Variants in MPPED1 observed in about 807,000 individuals in gnomAD.
MPPED1 encodes the protein metallophosphoesterase domain containing 1, also known as metallophosphoesterase domain-containing protein 1.
MPPED1 carries 16 observed loss-of-function variants against 36.2 expected under a neutral mutation model. The observed-to-expected ratio is 0.44, with a 90% CI of 0.30 to 0.67. MPPED1 has a LOEUF of 0.67. Among genes scored for constraint, MPPED1 ranks in the 30% least tolerant of loss-of-function variants. The pLI, the probability that MPPED1 is intolerant of heterozygous loss-of-function variation, is 0.10. For missense variants in MPPED1, 307 were observed against 453.4 expected (o/e 0.68, Z 2.93); for synonymous variants, 199 against 191.3 (o/e 1.04, Z -0.33).
intron 3 of MPPED1, among the ~76,000 whole-genome samples, chr22:43,471,051 C>T (rs73428345): frequency 0.076 from 11,584 of 152,292 alleles, 615 homozygotes; most frequent in African/African-American, 0.15. Context: ...GAAAAAGCCT[C>T]AGTCATCAGC....
At chr22:43,444,091 C>T (rs983899519) in intron 3 of MPPED1, among the ~76,000 whole-genome samples, 1 of 151,936 alleles carries the variant, frequency 6.6e-6, no homozygotes, top group Non-Finnish European at 1.5e-5. Flanking sequence ...GTTGTAGGGG[C>T]TAAAAGGAAG....
chr22:43,458,626 T>C (rs1261348676), intron 3 of MPPED1, among the ~76,000 whole-genome samples: 1 of 152,168 alleles, frequency 6.6e-6, no homozygotes, highest in Non-Finnish European at 1.5e-5. Flanking sequence ...CCTTTACCAG[T>C]GCTCTCTATT....
At chr22:43,499,773 ATGGTGGAGGTGG>A (rs1602025335) in intron 5 of MPPED1, among the ~76,000 whole-genome samples, 1 of 5,506 alleles carries the variant, frequency 1.8e-4, no homozygotes. Context: ...GGCGGTGGTG[ATGGTGGAGGTGG>A]TGGTGGTGGT....
intron 3 of MPPED1, among the ~76,000 whole-genome samples, chr22:43,444,188 T>A (rs1299621270): frequency 1.3e-5 from 2 of 152,176 alleles, no homozygotes; most frequent in Non-Finnish European, 2.9e-5. Flanking sequence ...AGTATTTTCA[T>A]GTTAATGTAT....
intron 3 of MPPED1, among the ~76,000 whole-genome samples, chr22:43,459,167 C>A (rs1930858173): frequency 6.6e-6 from 1 of 152,126 alleles, no homozygotes. Flanking sequence ...CTCTGCCTCC[C>A]AGGTTAAAGC....
intron 4 of MPPED1, among the ~76,000 whole-genome samples, chr22:43,481,340 C>G (rs1278185525): frequency 1.3e-5 from 2 of 152,176 alleles, no homozygotes; most frequent in Admixed American, 6.5e-5. Flanking sequence ...TGGCTTCTCT[C>G]TCCTCCATTG....
At chr22:43,417,341 G>A (rs1929108878) in intron 1 of MPPED1, among the ~76,000 whole-genome samples, 1 of 151,862 alleles carries the variant, frequency 6.6e-6, no homozygotes, top group African/African-American at 2.4e-5. Flanking sequence ...ACTTGATTGG[G>A]AAGGAGATCA....
chr22:43,431,808 C>A (rs1929697549), intron 2 of MPPED1, among the ~76,000 whole-genome samples: 1 of 152,210 alleles, frequency 6.6e-6, no homozygotes, highest in Non-Finnish European at 1.5e-5. Flanking sequence ...CAAAGTTGAG[C>A]ATTTGTTGCA....
At chr22:43,484,256 A>C (rs907220409) in intron 4 of MPPED1, among the ~76,000 whole-genome samples, 2 of 152,232 alleles carry the variant, frequency 1.3e-5, no homozygotes, top group Non-Finnish European at 2.9e-5. Flanking sequence ...TGTCCCATGT[A>C]GTCTGCCTAG....
At position 43,505,933 on chromosome 22, in the gene MPPED1, C is replaced by T. The variant is rs996894561; in HGVS notation, c.*317C>T. 2.4e-5 allele frequency: 6 copies of T among 252,160 alleles called. No homozygotes were observed. Among genetic ancestry groups the T allele is most frequent in the Admixed American group, 5.3e-5 (1 of 18,940 alleles). 15.6% of individuals were successfully genotyped at this position (252,160 alleles called of 1,614,324 possible). A position where few individuals can be genotyped will look rare whatever the true frequency, so the allele number is the denominator to read the frequency against. ...TAAATCTTCATTCTTCTCCCTTGGA[C>T]GCCCTCCTGGTTTGGGAAGCTGCTG... On this transcript the variant is annotated 3_prime_UTR_variant, in exon 7 of 7. Transcript: ENST00000443721.
chr22:43,504,471 A>ATGG (rs1418100029), intron 6 of MPPED1, among the ~76,000 whole-genome samples: 1 of 151,952 alleles, frequency 6.6e-6, no homozygotes, highest in African/African-American at 2.4e-5. Flanking sequence ...ATTCTTGATG[A>ATGG]TGGTGGTGGT....
At chr22:43,484,793 C>T (rs1359941431) in intron 4 of MPPED1, among the ~76,000 whole-genome samples, 1 of 152,128 alleles carries the variant, frequency 6.6e-6, no homozygotes, top group East Asian at 1.9e-4. Context: ...GAAACGGCTG[C>T]TTGAGGGGCT....
intron 3 of MPPED1, among the ~76,000 whole-genome samples, chr22:43,456,828 G>A (rs949002795): frequency 1.3e-5 from 2 of 152,158 alleles, no homozygotes; most frequent in African/African-American, 2.4e-5. Context: ...TCATGAAAGG[G>A]TGTTTTATTT....
rs1928917792 is a variant in MPPED1 at position 43,412,025 on chromosome 22, C to T, written c.-212C>T. 1.0e-6 allele frequency: 1 copy of T among 979,154 alleles called. No homozygotes were observed. The highest frequency in any genetic ancestry group is 4.7e-5 in the South Asian group (1 of 21,308). The allele number at this position is 979,154 out of a possible 1,614,324, so 60.7% of individuals were successfully genotyped here. The stretch of plus-strand genomic sequence containing the variant: ...GGAGTCTGGCTCCCACTTGCAGCCT[C>T]GGACGCGCGGCGAGGCGGCCGCCGC... On this transcript the variant is annotated 5_prime_UTR_variant, in exon 1 of 7. Coordinates refer to ENST00000443721, the MANE Select transcript of MPPED1 (RefSeq NM_001044370.2).
At chr22:43,425,760 C>T (rs1041125921) in intron 2 of MPPED1, among the ~76,000 whole-genome samples, 1 of 152,262 alleles carries the variant, frequency 6.6e-6, no homozygotes, top group Admixed American at 6.5e-5. Context: ...TTTGTCCAGA[C>T]CCTGTGCTTC....
chr22:43,470,130 CCATT>C (rs1407477593), intron 3 of MPPED1, among the ~76,000 whole-genome samples: 1 of 150,522 alleles, frequency 6.6e-6, no homozygotes, highest in East Asian at 2.0e-4. Flanking sequence ...ATCCATCCAT[CCATT>C]CATCCATCTA....
intron 3 of MPPED1, among the ~76,000 whole-genome samples, chr22:43,446,410 G>A (rs1201801988): frequency 6.6e-6 from 1 of 152,162 alleles, no homozygotes. Flanking sequence ...GGGTGTTCAG[G>A]CTGAGGGGAC....
chr22:43,444,328 C>T (rs1930259161), intron 3 of MPPED1, among the ~76,000 whole-genome samples: 1 of 136,398 alleles, frequency 7.3e-6, no homozygotes, highest in Non-Finnish European at 1.6e-5. Context: ...GTGTATCAAA[C>T]ATGTTATGCA....
intron 3 of MPPED1, among the ~76,000 whole-genome samples, chr22:43,450,437 C>T (rs1361251608): frequency 1.3e-5 from 2 of 152,240 alleles, no homozygotes; most frequent in Non-Finnish European, 2.9e-5. Flanking sequence ...TTCTGCTTAG[C>T]CTCGTGGGTC....
Sources: allele counts gnomAD v4.1 joint callset (sites outside exome capture counted in the v4.1 genomes callset), GRCh38; gene constraint gnomAD v4.1.1; transcripts MANE v1.5; gene names NCBI Gene and HGNC (gene_info 2026-07-23, HGNC 2026-07-21).